The following HS3ST1 variants were observed in gnomAD, a reference collection of about 807,000 sequenced individuals.
The protein encoded by HS3ST1 is heparan sulfate-glucosamine 3-sulfotransferase 1.
Under a neutral mutation model 20.7 loss-of-function variants are expected in HS3ST1, and 8 were observed. The observed-to-expected ratio is 0.39, with a 90% CI of 0.23 to 0.70. The LOEUF (loss-of-function observed/expected upper bound fraction) is 0.70, where lower values mean the gene tolerates loss of function less well. HS3ST1 is among the 30% of genes least tolerant of loss of function. HS3ST1 has a pLI of 0.46. For synonymous variants in HS3ST1, 205 were observed against 190.4 expected (o/e 1.08, Z -0.63); for missense variants, 436 against 423.4 (o/e 1.03, Z -0.26).
At chr4:11,430,340 C>T (rs1719180136), upstream of HS3ST1, among the ~76,000 whole-genome samples, 1 of 152,096 alleles carries the variant, frequency 6.6e-6, no homozygotes, top group African/African-American at 2.4e-5. Context: ...TAAAGGCCCA[C>T]TTTGAAAGCC....
At chr4:11,413,099 A>G (rs1718680685) in intron 1 of HS3ST1, among the ~76,000 whole-genome samples, 2 of 152,184 alleles carry the variant, frequency 1.3e-5, no homozygotes. Context: ...AGCCTGCAGA[A>G]CTGTGAGAAG....
Position 11,399,315 on chromosome 4 carries a change from C to A in HS3ST1, c.691G>T (p.Val231Phe), listed in dbSNP as rs774655333. The change falls in exon 2 of 2, where the codon GTC becomes TTC. Residue 231 changes from valine (V) to phenylalanine (F), a missense_variant. By Grantham distance (50) the Val-to-Phe change is conservative. Coordinates refer to ENST00000002596, the MANE Select transcript of HS3ST1 (RefSeq NM_005114.4). This position sits in a 1 kb window ranked among gnomAD's most constrained non-coding sequence, Gnocchi z 5.1. ...IRDPFPEIQK[V>F]ERFLKLSPQI... ...GGCGACAGCTTTAGGAACCTCTCGA[C>A]CTTTTGGATCTCAGGGAAGGGGTCC... The A allele has an allele frequency of 6.2e-7, 1 of 1,614,096 alleles. No individual in the cohort carries two copies. Among genetic ancestry groups the A allele is most frequent in the Admixed American group, 1.7e-5 (1 of 60,026 alleles).
At chr4:11,426,205 G>T (rs1719055067) in intron 1 of HS3ST1, among the ~76,000 whole-genome samples, 1 of 152,056 alleles carries the variant, frequency 6.6e-6, no homozygotes, top group Non-Finnish European at 1.5e-5. Flanking sequence ...ACCACGGTGG[G>T]GATATGCCAT....
chr4:11,425,516 G>A (rs1719037428), intron 1 of HS3ST1, among the ~76,000 whole-genome samples: 1 of 152,202 alleles, frequency 6.6e-6, no homozygotes, highest in Non-Finnish European at 1.5e-5. Flanking sequence ...AAGTAGTGAG[G>A]CCCGGTGCTT....
intron 1 of HS3ST1, among the ~76,000 whole-genome samples, chr4:11,401,312 A>G (rs1274465392): frequency 2.0e-5 from 3 of 151,648 alleles, no homozygotes; most frequent in Admixed American, 1.3e-4. Context: ...ACAACCCTAC[A>G]CTGTAAGGTA....
chr4:11,427,695 G>A (rs1005022295), intron 1 of HS3ST1, among the ~76,000 whole-genome samples: 6 of 152,226 alleles, frequency 3.9e-5, no homozygotes, highest in African/African-American at 1.4e-4. Context: ...GCGAGGAATC[G>A]CTGGCTCCCA....
At chr4:11,424,305 TG>T (rs1719010687) in intron 1 of HS3ST1, among the ~76,000 whole-genome samples, 2 of 152,238 alleles carry the variant, frequency 1.3e-5, no homozygotes, top group Non-Finnish European at 2.9e-5. Context: ...GAGTATTGCT[TG>T]GAAGAATAAT....
intron 1 of HS3ST1, among the ~76,000 whole-genome samples, chr4:11,407,627 A>C (rs1718504500): frequency 6.6e-6 from 1 of 152,222 alleles, no homozygotes; most frequent in South Asian, 2.1e-4. Context: ...TGTCCAGATC[A>C]GGTGAAGGAT....
At position 11,405,076 on chromosome 4, in the gene HS3ST1, A is replaced by G. The variant is rs144108206; in HGVS notation, c.-108-4963T>C. Among the ~76,000 whole-genome samples, 412 of 152,314 alleles carry G rather than the reference A, an allele frequency of 2.7e-3. 2 individuals are homozygous for G. Among genetic ancestry groups the G allele is most frequent in the African/African-American group, 9.5e-3 (395 of 41,554 alleles). ...GCAAGTTATTAATGAACTTGGCTCTACTTCTTTGGTCCTGTTGAATAGTTG... is the reference window on the plus strand; with the variant it reads ...GCAAGTTATTAATGAACTTGGCTCTGCTTCTTTGGTCCTGTTGAATAGTTG... On this transcript the variant is annotated intron_variant, in intron 1 of 1. Coordinates refer to ENST00000002596, the MANE Select transcript of HS3ST1 (RefSeq NM_005114.4).
At position 11,393,495 on chromosome 4, in the gene HS3ST1, G is replaced by A. The variant is rs967207811; in HGVS notation, c.*5587C>T. On this transcript the variant is annotated 3_prime_UTR_variant, in exon 2 of 2. Transcript: ENST00000002596. ...AGAGAGAAGAAAACATGCATGCAAG[G>A]TTAAGACTTTAGAGTGGATGGTCTA... is the stretch of plus-strand genomic sequence containing the variant. 1 of 148,584 alleles carries A rather than the reference G, an allele frequency of 6.7e-6. No homozygotes were observed. Among genetic ancestry groups the A allele is most frequent in the South Asian group, 2.1e-4 (1 of 4,826 alleles). The allele number at this position is 148,584 out of a possible 1,614,324, so 9.2% of individuals were successfully genotyped here. A position where few individuals can be genotyped will look rare whatever the true frequency, so the allele number is the denominator to read the frequency against.
At chr4:11,427,269 T>C (rs536237579) in intron 1 of HS3ST1, among the ~76,000 whole-genome samples, 307 of 152,342 alleles carry the variant, frequency 2.0e-3, no homozygotes, top group Non-Finnish European at 4.0e-3. Flanking sequence ...ACCCAGCGCC[T>C]GAAAGCGGGA....
intron 1 of HS3ST1, among the ~76,000 whole-genome samples, chr4:11,416,777 A>C (rs995862174): frequency 6.6e-6 from 1 of 152,208 alleles, no homozygotes; most frequent in South Asian, 2.1e-4. Context: ...CTGAACTCCA[A>C]CTAGGAAGGA....
intron 1 of HS3ST1, among the ~76,000 whole-genome samples, chr4:11,416,568 G>C (rs1718787285): frequency 6.6e-6 from 1 of 152,158 alleles, no homozygotes; most frequent in African/African-American, 2.4e-5. Flanking sequence ...CCCTTTGGCT[G>C]TTTGTCCCAT....
chr4:11,400,119 G>A lies in HS3ST1; in HGVS notation c.-108-6C>T. 1 of 1,425,890 alleles carries A rather than the reference G, an allele frequency of 7.0e-7. No homozygotes were observed. Among genetic ancestry groups the A allele is most frequent in the African/African-American group, 1.4e-5 (1 of 69,452 alleles). 88.3% of individuals were successfully genotyped at this position (1,425,890 alleles called of 1,614,324 possible). On this transcript the variant is annotated splice_polypyrimidine_tract_variant and splice_region_variant and intron_variant, in intron 1 of 1. Transcript: ENST00000002596. ...GCGTTTCAGGCCTTCAATTACTAGG[G>A]AACAAAAAGGGAAGATATTAACATA...
intron 1 of HS3ST1, among the ~76,000 whole-genome samples, chr4:11,412,413 G>A (rs224463): frequency 0.37 from 56,164 of 152,006 alleles, 11,009 homozygotes; most frequent in African/African-American, 0.47. Context: ...TTGGAATCCA[G>A]AATTTCAAGA....
At chr4:11,403,514 T>G (rs1718383968) in intron 1 of HS3ST1, among the ~76,000 whole-genome samples, 1 of 152,234 alleles carries the variant, frequency 6.6e-6, no homozygotes, top group African/African-American at 2.4e-5. Flanking sequence ...TGTCACATAG[T>G]AAATCTGTTC....
intron 1 of HS3ST1, among the ~76,000 whole-genome samples, chr4:11,420,604 G>A (rs1052426905): frequency 6.6e-5 from 10 of 152,312 alleles, no homozygotes; most frequent in Non-Finnish European, 1.3e-4. Context: ...CTACGCTGGT[G>A]GCCTCACAGG....
chr4:11,398,991 A>T lies in HS3ST1; in HGVS notation c.*91T>A. ...ACTTTATGGATTTTACAAATAAATTATACCTTAAATGCTTTTTTAAAATTC... is the reference window on the plus strand; with the variant it reads ...ACTTTATGGATTTTACAAATAAATTTTACCTTAAATGCTTTTTTAAAATTC... On this transcript the variant is annotated 3_prime_UTR_variant, in exon 2 of 2. Coordinates refer to ENST00000002596, the MANE Select transcript of HS3ST1 (RefSeq NM_005114.4). The T allele has an allele frequency of 8.8e-7, 1 of 1,131,126 alleles. No individual in the cohort carries two copies. The highest frequency in any genetic ancestry group is 1.3e-6 in the Non-Finnish European group (1 of 793,882). 70.1% of individuals were successfully genotyped at this position (1,131,126 alleles called of 1,614,324 possible).
At position 11,399,392 on chromosome 4, in the gene HS3ST1, C is replaced by G; in HGVS notation, c.614G>C (p.Arg205Pro). ...GTGGATGTGGCGCAGCGGGAAAAAG[C>G]GCAGCCAGTTCTGCATGTGCACGTG... ...LYHVHMQNWLRFFPLRHIHIV... is the reference protein window; with the variant it reads ...LYHVHMQNWLPFFPLRHIHIV... The change falls in exon 2 of 2, where the codon CGC becomes CCC. Residue 205 changes from arginine (R) to proline (P), a missense_variant. By Grantham distance (103) the Arg-to-Pro change is moderately radical. Coordinates refer to ENST00000002596, the MANE Select transcript of HS3ST1 (RefSeq NM_005114.4). This position sits in a 1 kb window ranked among gnomAD's most constrained non-coding sequence, Gnocchi z 5.1. 6.2e-7 allele frequency: 1 copy of G among 1,613,982 alleles called. No individual in the cohort carries two copies.
Sources: allele counts gnomAD v4.1 joint callset (sites outside exome capture counted in the v4.1 genomes callset), GRCh38; gene constraint gnomAD v4.1.1; non-coding constraint Gnocchi (gnomAD v3.1); transcripts MANE v1.5; gene names NCBI Gene and HGNC (gene_info 2026-07-23, HGNC 2026-07-21).